AGBL1: variants seen among roughly 807,000 people sequenced by gnomAD.
AGBL1 encodes the protein cytosolic carboxypeptidase 4.
In AGBL1, 130 loss-of-function variants were observed where a neutral mutation model predicts 118.9. That is an observed-to-expected ratio of 1.09 (90% CI 0.95 to 1.26). The LOEUF (loss-of-function observed/expected upper bound fraction) is 1.26, where lower values mean the gene tolerates loss of function less well. Among genes scored for constraint, AGBL1 ranks in the 50% most tolerant of loss-of-function variants. The pLI, the probability that AGBL1 is intolerant of heterozygous loss-of-function variation, is 0.00. For missense variants in AGBL1, 1,584 were observed against 1,298.1 expected, an observed-to-expected ratio of 1.22 and a Z score of -3.38; for synonymous variants, 555 against 478.9, an observed-to-expected ratio of 1.16 and a Z score of -2.08.
chr15:86,859,883 T>C (rs899382693), intron 22 of AGBL1, among the ~76,000 whole-genome samples: 1 of 152,168 alleles, frequency 6.6e-6, no homozygotes, highest in Non-Finnish European at 1.5e-5. Context: ...CTGTGTGACC[T>C]TGGACAACTT....
chr15:86,139,131 C>G (rs997271714), intron 1 of AGBL1, among the ~76,000 whole-genome samples: 4 of 152,128 alleles, frequency 2.6e-5, no homozygotes, highest in Admixed American at 1.3e-4. Flanking sequence ...TTTAGTGCAG[C>G]TGTGATGACA....
At chr15:86,819,732 G>T (rs1020750592) in intron 22 of AGBL1, among the ~76,000 whole-genome samples, 6 of 152,250 alleles carry the variant, frequency 3.9e-5, no homozygotes, top group Non-Finnish European at 8.8e-5. Context: ...GTAATTTATA[G>T]ATTCAATGCT....
chr15:86,502,636 C>G (rs2082930960), intron 18 of AGBL1, among the ~76,000 whole-genome samples: 1 of 149,688 alleles, frequency 6.7e-6, no homozygotes, highest in East Asian at 2.0e-4. Flanking sequence ...TGAACATATG[C>G]TGGATTTTAT....
At chr15:86,475,318 A>G (rs1171703911) in intron 18 of AGBL1, among the ~76,000 whole-genome samples, 1 of 152,164 alleles carries the variant, frequency 6.6e-6, no homozygotes, top group Admixed American at 6.5e-5. Context: ...AGAAGCTAAA[A>G]ACCTTGAAAA....
intron 22 of AGBL1, among the ~76,000 whole-genome samples, chr15:86,762,503 A>C (rs1305201201): frequency 6.6e-6 from 1 of 152,050 alleles, no homozygotes; most frequent in Non-Finnish European, 1.5e-5. Flanking sequence ...AAAGCTTAAG[A>C]GAAGGTGAAA....
At chr15:86,345,656 A>G (rs933368378) in intron 17 of AGBL1, among the ~76,000 whole-genome samples, 4 of 152,180 alleles carry the variant, frequency 2.6e-5, no homozygotes, top group Non-Finnish European at 5.9e-5. Flanking sequence ...AACTTTTTCT[A>G]AAAGTTGAAG....
chr15:86,830,921 A>C (rs1259081013), intron 22 of AGBL1, among the ~76,000 whole-genome samples: 1 of 152,220 alleles, frequency 6.6e-6, no homozygotes, highest in Non-Finnish European at 1.5e-5. Context: ...TGATAAAGAC[A>C]TACCCAAGAC....
At chr15:86,099,540 ATTTTTTTTTT>A (rs539242604) in intron 1 of AGBL1, among the ~76,000 whole-genome samples, 1 of 130,638 alleles carries the variant, frequency 7.7e-6, no homozygotes, top group East Asian at 2.2e-4. Flanking sequence ...GTGGATGCCT[ATTTTTTTTTT>A]TTTTTTTGAA....
chr15:86,839,817 T>C (rs924070191), intron 22 of AGBL1, among the ~76,000 whole-genome samples: 20 of 152,200 alleles, frequency 1.3e-4, no homozygotes, highest in Admixed American at 6.5e-4. Context: ...TTCAACCCAG[T>C]CAAGCTGGGT....
chr15:86,680,000 C>T (rs1402904640), intron 22 of AGBL1, among the ~76,000 whole-genome samples: 3 of 152,022 alleles, frequency 2.0e-5, no homozygotes, highest in Non-Finnish European at 2.9e-5. Context: ...TTCTATTGTT[C>T]TATGACCTGG....
chr15:86,516,002 G>T (rs983116370), intron 18 of AGBL1, among the ~76,000 whole-genome samples: 1 of 152,112 alleles, frequency 6.6e-6, no homozygotes, highest in Non-Finnish European at 1.5e-5. Flanking sequence ...ACTCAAAGCG[G>T]GGGAGGGAGC....
At chr15:86,128,848 C>T (rs562996305) in intron 1 of AGBL1, among the ~76,000 whole-genome samples, 1 of 152,170 alleles carries the variant, frequency 6.6e-6, no homozygotes, top group Non-Finnish European at 1.5e-5. Context: ...TGAGCAGATA[C>T]TTCCTAGGGT....
At chr15:86,260,162 A>G (rs1421609538) in intron 9 of AGBL1, among the ~76,000 whole-genome samples, 1 of 152,206 alleles carries the variant, frequency 6.6e-6, no homozygotes, top group African/African-American at 2.4e-5. Flanking sequence ...GAGCAAGGAA[A>G]CTGCTCCAGA....
At chr15:86,935,149 C>T (rs1387130575) in intron 23 of AGBL1, 1 of 152,132 alleles carries the variant, frequency 6.6e-6, no homozygotes, top group Non-Finnish European at 1.5e-5. Flanking sequence ...CCCGATTCCT[C>T]TCCATTTTCT....
intron 22 of AGBL1, among the ~76,000 whole-genome samples, chr15:86,683,050 C>A (rs1270382517): frequency 6.6e-6 from 1 of 152,072 alleles, no homozygotes; most frequent in East Asian, 1.9e-4. Flanking sequence ...TTATATTTAG[C>A]CTTTTGAATA....
chr15:87,012,440 A>G (rs886952293), intron 24 of AGBL1, among the ~76,000 whole-genome samples: 1 of 152,162 alleles, frequency 6.6e-6, no homozygotes, highest in Non-Finnish European at 1.5e-5. Context: ...TGGTTCGAAT[A>G]TATGGTTCAG....
chr15:86,346,655 A>G (rs931730170), intron 17 of AGBL1, among the ~76,000 whole-genome samples: 2 of 152,134 alleles, frequency 1.3e-5, no homozygotes, highest in Admixed American at 6.5e-5. Context: ...GGCCAAGCTC[A>G]TTCTTTATGG....
At chr15:86,341,052 C>T (rs568950790) in intron 17 of AGBL1, among the ~76,000 whole-genome samples, 4 of 152,304 alleles carry the variant, frequency 2.6e-5, no homozygotes, top group South Asian at 2.1e-4. Flanking sequence ...TGGGGTAGGA[C>T]GTGGGAGTCC....
At chr15:86,737,896 A>G (rs373738564) in intron 22 of AGBL1, among the ~76,000 whole-genome samples, 14 of 150,336 alleles carry the variant, frequency 9.3e-5, no homozygotes, top group African/African-American at 3.4e-4. Flanking sequence ...ATCCCCAACA[A>G]AATGCTATCA....
Sources: gnomAD v4.1 joint callset for allele counts (sites outside exome capture counted in the v4.1 genomes callset) on GRCh38, gnomAD v4.1.1 for gene constraint, MANE v1.5 for transcripts, NCBI Gene and HGNC (gene_info 2026-07-23, HGNC 2026-07-21) for gene names.